MBTPS1: variants seen among roughly 807,000 people sequenced by gnomAD.
MBTPS1 encodes membrane bound transcription factor peptidase, site 1, also known as membrane-bound transcription factor site-1 protease.
Under a neutral mutation model 127.8 loss-of-function variants are expected in MBTPS1, and 94 were observed. The ratio of observed to expected loss-of-function variants is 0.74; its 90% confidence interval spans 0.62 to 0.87. The LOEUF (loss-of-function observed/expected upper bound fraction) is 0.87. Among genes scored for constraint, MBTPS1 ranks in the 40% least tolerant of loss-of-function variants. The probability of loss-of-function intolerance (pLI) is 0.00; values close to 1 mark genes in which losing one functional copy is unlikely to be tolerated. For missense variants in MBTPS1, 1,636 were observed against 1,353.2 expected (o/e 1.21, Z -3.28); for synonymous variants, 632 against 509.4 (o/e 1.24, Z -3.24).
chr16:84,097,127 T>G (rs1163686007), intron 3 of MBTPS1, among the ~76,000 whole-genome samples: 1 of 152,168 alleles, frequency 6.6e-6, no homozygotes, highest in Admixed American at 6.5e-5. Context: ...TCACCACATC[T>G]TTAACTACTG....
chr16:84,099,112 G>C lies in MBTPS1; in HGVS notation c.362C>G (p.Pro121Arg), dbSNP rs547761123. The C allele has an allele frequency of 1.2e-6, 2 of 1,614,168 alleles. No homozygotes were observed. The highest frequency in any genetic ancestry group is 4.5e-5 in the East Asian group (2 of 44,886). ...KAGLLTLEDH[P>R]NIKRVTPQRK... ...TTGGGGCGTGACCCGTTTGATGTTTGGATGATCTTCAAGTGTTAGCAGCCC... is the reference window on the plus strand; with the variant it reads ...TTGGGGCGTGACCCGTTTGATGTTTCGATGATCTTCAAGTGTTAGCAGCCC... The change falls in exon 3 of 23, where the codon CCA becomes CGA. Residue 121 changes from proline to arginine, a missense_variant. Pro to Arg is a moderately radical substitution (Grantham distance 103). Transcript: ENST00000343411.
chr16:84,064,030 T>G (rs1352101627), intron 18 of MBTPS1, among the ~76,000 whole-genome samples: 1 of 152,240 alleles, frequency 6.6e-6, no homozygotes, highest in African/African-American at 2.4e-5. Flanking sequence ...CTCCTATCTT[T>G]GCCCAGATGA....
intron 1 of MBTPS1, among the ~76,000 whole-genome samples, chr16:84,104,148 A>G (rs2086293175): frequency 6.6e-6 from 1 of 152,230 alleles, no homozygotes; most frequent in African/African-American, 2.4e-5. Flanking sequence ...AAAGCCAGTA[A>G]TAACAGTTCT....
intron 10 of MBTPS1, among the ~76,000 whole-genome samples, chr16:84,082,560 TACA>T (rs1376580442): frequency 6.6e-6 from 1 of 152,178 alleles, no homozygotes; most frequent in Non-Finnish European, 1.5e-5. Context: ...ATACTAGCGT[TACA>T]ACATCCATTT....
In MBTPS1 at chr16:84,054,362, T is replaced by TA; in HGVS notation, c.*86dup. The TA allele has an allele frequency of 7.7e-7, 1 of 1,291,090 alleles. No homozygotes were observed. The highest frequency in any genetic ancestry group is 1.5e-5 in the South Asian group (1 of 65,354). 80.0% of individuals were successfully genotyped at this position (1,291,090 alleles called of 1,614,324 possible). On this transcript the variant is annotated 3_prime_UTR_variant, in exon 23 of 23. Transcript: ENST00000343411. ...CTGCAGCTGGAAACTGGATCCCTTT[T>TA]AAACCAGCCGCCACCACAGCTCGGC...
rs373148074 is a variant in MBTPS1, at chr16:84,099,070, G to T, written c.404C>A (p.Ser135Tyr). The T allele has an allele frequency of 2.2e-5, 35 of 1,614,002 alleles. No individual in the cohort carries two copies. Among genetic ancestry groups the T allele is most frequent in the Admixed American group, 1.2e-4 (7 of 59,994 alleles). ...RVTPQRKVFR[S>Y]LKYAESDPTV... The stretch of plus-strand genomic sequence containing the variant: ...ATACTCACATTCAGCATACTTGAGG[G>T]AACGAAAGACTTTTCGTTGGGGCGT... The change falls in exon 3 of 23, where the codon TCC (serine) becomes TAC (tyrosine). Residue 135 changes from serine (S) to tyrosine (Y), a missense_variant. Coordinates refer to ENST00000343411, the MANE Select transcript of MBTPS1 (RefSeq NM_003791.4).
intron 1 of MBTPS1, among the ~76,000 whole-genome samples, chr16:84,110,507 A>G (rs9924434): frequency 0.14 from 20,901 of 152,236 alleles, 1,681 homozygotes; most frequent in East Asian, 0.28. Flanking sequence ...CAATTTTCAC[A>G]TATGTATTAA....
Position 84,114,264 on chromosome 16 carries a change from A to C in MBTPS1, c.-325+2471T>G, listed in dbSNP as rs567968843. Among the ~76,000 whole-genome samples the C allele has an allele frequency of 3.9e-5, 6 of 152,208 alleles. No individual in the cohort carries two copies. The East Asian group carries it at 1.2e-3, about 30-fold the overall frequency. ...GCGTGAGCCATCACGCCCGGTCGACAAAGGTGTATTCGGGTGTATTCTTAC... is the reference window on the plus strand; with the variant it reads ...GCGTGAGCCATCACGCCCGGTCGACCAAGGTGTATTCGGGTGTATTCTTAC... On this transcript the variant is annotated intron_variant, in intron 1 of 22. Transcript: ENST00000343411.
At chr16:84,103,904 GAAC>G (rs2151170471) in intron 1 of MBTPS1, among the ~76,000 whole-genome samples, 1 of 152,252 alleles carries the variant, frequency 6.6e-6, no homozygotes, top group East Asian at 1.9e-4. Context: ...ACCTCGACAA[GAAC>G]AACAATAACA....
In MBTPS1 at chr16:84,054,196, G is replaced by A. The variant is rs557411695; in HGVS notation, c.*253C>T. 5.7e-4 allele frequency: 191 copies of A among 335,486 alleles called. No individual in the cohort carries two copies. The highest frequency in any genetic ancestry group is 9.0e-4 in the Non-Finnish European group (165 of 183,548). 20.8% of individuals were successfully genotyped at this position (335,486 alleles called of 1,614,324 possible). On this transcript the variant is annotated 3_prime_UTR_variant, in exon 23 of 23. Transcript: ENST00000343411. ...TCCAGTTCTCCCGAGTCTTTGGTGC[G>A]CACAGCTGCCGGCGGGAAGTCTCAC...
Position 84,056,074 on chromosome 16 carries a change from A to T in MBTPS1, c.2893T>A (p.Phe965Ile), listed in dbSNP as rs1157329454. The T allele has an allele frequency of 1.2e-6, 2 of 1,614,042 alleles. No homozygotes were observed. Among genetic ancestry groups the T allele is most frequent in the Non-Finnish European group, 1.7e-6 (2 of 1,180,014 alleles). Reference protein sequence around the residue: ...IDLDKVVLPNFRSNRPQVRPL... With the variant: ...IDLDKVVLPNIRSNRPQVRPL... Reference sequence around the variant, plus strand: ...CTCACTTGAGGGCGATTCGATCGAAAGTTGGGTAACACCACCTTGTCCAGG... The same window carrying T: ...CTCACTTGAGGGCGATTCGATCGAATGTTGGGTAACACCACCTTGTCCAGG... Residue 965 changes from phenylalanine to isoleucine, a missense_variant, in exon 22 of 23, where the codon TTT becomes ATT. Phe to Ile is a conservative substitution (Grantham distance 21, BLOSUM62 0). Transcript: ENST00000343411.
At chr16:84,067,621 G>C (rs754632004) in intron 16 of MBTPS1, 46 bp downstream of exon 16, 3 of 1,338,570 alleles carry the variant, frequency 2.2e-6, no homozygotes, top group Admixed American at 1.9e-5. Flanking sequence ...GGTAGAATTT[G>C]ATTCCCCAAA....
intron 1 of MBTPS1, 69 bp downstream of exon 1, chr16:84,116,666 C>T (rs1389914095): frequency 6.6e-6 from 1 of 151,972 alleles, no homozygotes; most frequent in Non-Finnish European, 1.5e-5. Context: ...AACCGGCACA[C>T]CTGAGCGAGC....
At chr16:84,112,747 G>C (rs1357575107) in intron 1 of MBTPS1, among the ~76,000 whole-genome samples, 1 of 151,562 alleles carries the variant, frequency 6.6e-6, no homozygotes, top group Non-Finnish European at 1.5e-5. Context: ...GGCCGAGACG[G>C]GCAGATCACC....
intron 12 of MBTPS1, among the ~76,000 whole-genome samples, chr16:84,071,108 A>G (rs372715089): frequency 6.6e-6 from 1 of 152,238 alleles, no homozygotes; most frequent in South Asian, 2.1e-4. Flanking sequence ...TATAGATGAA[A>G]ACTCTCAGAT....
At chr16:84,094,819 T>G (rs1282287027) in intron 4 of MBTPS1, among the ~76,000 whole-genome samples, 1 of 152,094 alleles carries the variant, frequency 6.6e-6, no homozygotes, top group African/African-American at 2.4e-5. Flanking sequence ...CCACCGGGTA[T>G]TAAAAGTTGA....
intron 20 of MBTPS1, chr16:84,059,812 T>A: frequency 6.4e-6 from 1 of 155,212 alleles, no homozygotes; most frequent in Non-Finnish European, 1.4e-5. Flanking sequence ...TCTGGCCAAA[T>A]AAAAAACCAC....
chr16:84,078,997 C>T (rs2085900072), intron 11 of MBTPS1, among the ~76,000 whole-genome samples: 1 of 152,164 alleles, frequency 6.6e-6, no homozygotes, highest in Non-Finnish European at 1.5e-5. Context: ...TGGAGGTGGG[C>T]CTAGTGGGAG....
intron 8 of MBTPS1, among the ~76,000 whole-genome samples, chr16:84,087,799 T>A (rs1385617255): frequency 6.6e-6 from 1 of 152,176 alleles, no homozygotes; most frequent in African/African-American, 2.4e-5. Context: ...TCACAACACT[T>A]AACACAATCA....
Sources: gnomAD v4.1 joint callset for allele counts (sites outside exome capture counted in the v4.1 genomes callset) on GRCh38, gnomAD v4.1.1 for gene constraint, MANE v1.5 for transcripts, NCBI Gene and HGNC (gene_info 2026-07-23, HGNC 2026-07-21) for gene names.